Variants in TMEM87B observed in about 807,000 individuals in gnomAD.
The protein encoded by TMEM87B is transmembrane protein 87B.
A neutral mutation model predicts 80.3 loss-of-function variants in TMEM87B; 83 were observed. The observed-to-expected ratio is 1.03, with a 90% CI of 0.87 to 1.24. TMEM87B has a LOEUF of 1.24. TMEM87B is among the 50% of genes most tolerant of loss of function. The probability of loss-of-function intolerance (pLI) is 0.00; values close to 1 mark genes in which losing one functional copy is unlikely to be tolerated. For missense variants in TMEM87B, 625 were observed against 674.4 expected (o/e 0.93, Z 0.81); for synonymous variants, 219 against 230.5 (o/e 0.95, Z 0.45).
chr2:112,077,106 C>A, intron 5 of TMEM87B, 86 bp from the exon 6 acceptor site: 18 of 515,408 alleles, frequency 3.5e-5, no homozygotes, highest in South Asian at 8.1e-5. Flanking sequence ...GATTCAATTA[C>A]TTTAAAATAT....
intron 10 of TMEM87B, among the ~76,000 whole-genome samples, chr2:112,091,065 C>T (rs1244903617): frequency 6.6e-6 from 1 of 152,030 alleles, no homozygotes; most frequent in Non-Finnish European, 1.5e-5. Flanking sequence ...TGTAAATACA[C>T]CATATATATT....
chr2:112,081,131 C>T lies in TMEM87B; in HGVS notation c.654+13C>T. Reference sequence around the variant, plus strand: ...GCCCCTAATGATTGTGAGTATTTCTCATCATTTTTTCCTTTTTAAAAAATG... The same window carrying T: ...GCCCCTAATGATTGTGAGTATTTCTTATCATTTTTTCCTTTTTAAAAAATG... On this transcript the variant is annotated intron_variant, in intron 7 of 18. Transcript: ENST00000283206. 3 of 1,610,914 alleles carry T rather than the reference C, an allele frequency of 1.9e-6. No individual in the cohort carries two copies. The highest frequency in any genetic ancestry group is 2.2e-5 in the East Asian group (1 of 44,842).
At position 112,118,452 on chromosome 2, in the gene TMEM87B, G is replaced by C. The variant is rs1478511293; in HGVS notation, c.*2309G>C. On this transcript the variant is annotated 3_prime_UTR_variant, in exon 19 of 19. Coordinates refer to ENST00000283206, the MANE Select transcript of TMEM87B (RefSeq NM_032824.3). ...GTTAGTGAGGATACGGGTCTGGTTT[G>C]ATGTTTTTCTAGGCAAAATGCTTAA... 1.3e-5 allele frequency: 2 copies of C among 152,174 alleles called. No individual in the cohort carries two copies. Among genetic ancestry groups the C allele is most frequent in the East Asian group, 3.9e-4 (2 of 5,188 alleles). 9.4% of individuals were successfully genotyped at this position (152,174 alleles called of 1,614,324 possible).
Position 112,081,052 on chromosome 2 carries a change from C to G in TMEM87B, c.593-5C>G. 6.2e-7 allele frequency: 1 copy of G among 1,610,420 alleles called. No homozygotes were observed. Among genetic ancestry groups the G allele is most frequent in the Non-Finnish European group, 8.5e-7 (1 of 1,177,842 alleles). ...TAATTAACTCTCTCTTCTTCTCTAT[C>G]CTAGTTTCTCTTTCTATGATTGGGC... On this transcript the variant is annotated splice_region_variant and splice_polypyrimidine_tract_variant and intron_variant, in intron 6 of 18. Coordinates refer to ENST00000283206, the MANE Select transcript of TMEM87B (RefSeq NM_032824.3).
At position 112,096,993 on chromosome 2, in the gene TMEM87B, T is replaced by C. The variant is rs773320784; in HGVS notation, c.1105-51T>C. 4 of 1,243,434 alleles carry C rather than the reference T, an allele frequency of 3.2e-6. No individual in the cohort carries two copies. The South Asian group carries it at 5.2e-5, about 16-fold the overall frequency. 77.0% of individuals were successfully genotyped at this position (1,243,434 alleles called of 1,614,324 possible). ...AACATAGTAGAAGATTCTGTTTTTTTTTTTTAACCTCTTATTATTACTTGG... is the reference window on the plus strand; with the variant it reads ...AACATAGTAGAAGATTCTGTTTTTTCTTTTTAACCTCTTATTATTACTTGG... On this transcript the variant is annotated intron_variant, in intron 11 of 18. Transcript: ENST00000283206.
rs1680081759 is a variant in TMEM87B at position 112,118,538 on chromosome 2, A to G, written c.*2395A>G. The G allele has an allele frequency of 6.6e-6, 1 of 152,206 alleles. No individual in the cohort carries two copies. Among genetic ancestry groups the G allele is most frequent in the African/African-American group, 2.4e-5 (1 of 41,468 alleles). 9.4% of individuals were successfully genotyped at this position (152,206 alleles called of 1,614,324 possible). On this transcript the variant is annotated 3_prime_UTR_variant, in exon 19 of 19. Coordinates refer to ENST00000283206, the MANE Select transcript of TMEM87B (RefSeq NM_032824.3). The stretch of plus-strand genomic sequence containing the variant: ...GAAATTTGCTTAAAAGGGAATTTTC[A>G]TGATTTGATTTAGATTAGTATTTAA...
chr2:112,068,139 G>T (rs1175031469), intron 4 of TMEM87B, among the ~76,000 whole-genome samples: 2 of 152,146 alleles, frequency 1.3e-5, no homozygotes, highest in African/African-American at 4.8e-5. Flanking sequence ...ACTTGAACCC[G>T]GGAGGCAGAG....
At chr2:112,097,003 T>C in intron 11 of TMEM87B, 41 bp from the exon 12 acceptor site, 1 of 1,293,812 alleles carries the variant, frequency 7.7e-7, no homozygotes, top group Non-Finnish European at 1.1e-6. Flanking sequence ...TTTTTTAACC[T>C]CTTATTATTA....
In TMEM87B at chr2:112,080,481, G is replaced by A. The variant is rs191315283; in HGVS notation, c.593-576G>A. Among the ~76,000 whole-genome samples the A allele has an allele frequency of 4.7e-5, 7 of 149,126 alleles. No individual in the cohort carries two copies. The South Asian group carries it at 8.5e-4, about 18-fold the overall frequency. Reference sequence around the variant, plus strand: ...TCACCGTGTTAGCCAGGATGGTCTCGATCTCCTGACCTCGTAATCCGCCCG... The same window carrying A: ...TCACCGTGTTAGCCAGGATGGTCTCAATCTCCTGACCTCGTAATCCGCCCG... On this transcript the variant is annotated intron_variant, in intron 6 of 18. Transcript: ENST00000283206.
At chr2:112,079,371 T>C (rs1445517777) in intron 6 of TMEM87B, among the ~76,000 whole-genome samples, 6 of 152,232 alleles carry the variant, frequency 3.9e-5, no homozygotes, top group Non-Finnish European at 7.3e-5. Flanking sequence ...AGTATTTGTC[T>C]TTCTGTGCTT....
rs540400222 is a variant in TMEM87B, at chr2:112,101,463, G to T, written c.1450+768G>T. Among the ~76,000 whole-genome samples the T allele has an allele frequency of 5.3e-5, 8 of 152,242 alleles. No individual in the cohort carries two copies. In the South Asian group the frequency reaches 1.7e-3, roughly 32 times the overall value. ...ACCCTTGAACAATGTAGGGTTAGGG[G>T]CACCAAACTCCTGAGCAGTTGAAAA... On this transcript the variant is annotated intron_variant, in intron 15 of 18. Transcript: ENST00000283206.
At chr2:112,072,535 A>G (rs1678680619) in intron 4 of TMEM87B, among the ~76,000 whole-genome samples, 1 of 152,116 alleles carries the variant, frequency 6.6e-6, no homozygotes, top group South Asian at 2.1e-4. Context: ...CATTTATTCT[A>G]AATTTTCTAG....
At chr2:112,099,847 C>T (rs889801556) in intron 14 of TMEM87B, among the ~76,000 whole-genome samples, 18 of 144,536 alleles carry the variant, frequency 1.2e-4, no homozygotes, top group Non-Finnish European at 2.1e-4. Flanking sequence ...GCTGCTACTG[C>T]ACTCCAGCTT....
chr2:112,091,577 T>G, intron 10 of TMEM87B, 135 bp from the exon 11 acceptor site: 1 of 659,204 alleles, frequency 1.5e-6, no homozygotes, highest in South Asian at 2.0e-5. Context: ...CACAATCCTC[T>G]TAGGAAATTA....
At chr2:112,073,065 A>G (rs1026500144) in intron 4 of TMEM87B, among the ~76,000 whole-genome samples, 1 of 151,838 alleles carries the variant, frequency 6.6e-6, no homozygotes, top group Non-Finnish European at 1.5e-5. Context: ...ACACCCAGCT[A>G]ACTTTTGTAT....
intron 6 of TMEM87B, among the ~76,000 whole-genome samples, chr2:112,080,407 T>C (rs1039193196): frequency 1.4e-4 from 21 of 151,876 alleles, no homozygotes; most frequent in Non-Finnish European, 2.2e-4. Context: ...CTACAGGTGC[T>C]CGCCACCACG....
intron 8 of TMEM87B, 149 bp downstream of exon 8, chr2:112,081,667 G>T: frequency 1.5e-6 from 1 of 678,442 alleles, no homozygotes. Flanking sequence ...AAGAATGTCA[G>T]AGTAGGCCTC....
At position 112,117,524 on chromosome 2, in the gene TMEM87B, G is replaced by GAT. The variant is rs1680056587; in HGVS notation, c.*1381_*1382insAT. ...AGGGTAGTAAAGAAGATCTATTTCT[G>GAT]GTAGTCATATCGCTTGAAAGGTATT... On this transcript the variant is annotated 3_prime_UTR_variant, in exon 19 of 19. Transcript: ENST00000283206. 6.6e-6 allele frequency: 1 copy of GAT among 151,696 alleles called. No individual in the cohort carries two copies. Among genetic ancestry groups the GAT allele is most frequent in the African/African-American group, 2.4e-5 (1 of 41,276 alleles). 9.4% of individuals were successfully genotyped at this position (151,696 alleles called of 1,614,324 possible).
intron 5 of TMEM87B, among the ~76,000 whole-genome samples, 187 bp from the exon 6 acceptor site, chr2:112,077,005 A>G (rs1678841955): frequency 7.1e-6 from 1 of 141,834 alleles, no homozygotes; most frequent in East Asian, 2.0e-4. Flanking sequence ...GGAGTTTGAG[A>G]CCAGCCTGGG....
Sources: gnomAD v4.1 joint callset for allele counts (sites outside exome capture counted in the v4.1 genomes callset) on GRCh38, gnomAD v4.1.1 for gene constraint, MANE v1.5 for transcripts, NCBI Gene and HGNC (gene_info 2026-07-23, HGNC 2026-07-21) for gene names.